The following PREP variants were observed in gnomAD, a reference collection of about 807,000 sequenced individuals.
The protein encoded by PREP is dJ355L5.1 (prolyl endopeptidase).
Under a neutral mutation model 87.6 loss-of-function variants are expected in PREP, and 29 were observed. The observed-to-expected ratio is 0.33, with a 90% CI of 0.25 to 0.45. The LOEUF (loss-of-function observed/expected upper bound fraction) is 0.45. PREP is among the 20% of genes least tolerant of loss of function. The probability of loss-of-function intolerance (pLI) is 1.00; values close to 1 mark genes in which losing one functional copy is unlikely to be tolerated. For synonymous variants in PREP, 337 were observed against 328.6 expected, an observed-to-expected ratio of 1.03 and a Z score of -0.28; for missense variants, 695 against 886.5, an observed-to-expected ratio of 0.78 and a Z score of 2.74.
At chr6:105,334,305 C>T (rs924974054) in intron 7 of PREP, among the ~76,000 whole-genome samples, 81 of 152,352 alleles carry the variant, frequency 5.3e-4, no homozygotes, top group African/African-American at 1.8e-3. Context: ...CAACACTTGC[C>T]TCACTTCCTG....
intron 6 of PREP, among the ~76,000 whole-genome samples, chr6:105,356,264 C>T (rs892070522): frequency 6.6e-6 from 1 of 152,154 alleles, no homozygotes; most frequent in Admixed American, 6.5e-5. Flanking sequence ...GTAAGGTATA[C>T]AGCCCCACTG....
At chr6:105,352,171 G>A (rs563868767) in intron 7 of PREP, among the ~76,000 whole-genome samples, 1 of 152,320 alleles carries the variant, frequency 6.6e-6, no homozygotes, top group South Asian at 2.1e-4. Flanking sequence ...TTAACTAGAA[G>A]ATAATGTAAT....
intron 5 of PREP, among the ~76,000 whole-genome samples, chr6:105,372,590 T>C (rs1314217612): frequency 6.6e-6 from 1 of 152,094 alleles, no homozygotes; most frequent in Non-Finnish European, 1.5e-5. Flanking sequence ...CTTTGTGCAA[T>C]TAAAGAGAAG....
At chr6:105,338,956 G>A (rs1255978139) in intron 7 of PREP, among the ~76,000 whole-genome samples, 2 of 152,236 alleles carry the variant, frequency 1.3e-5, no homozygotes, top group African/African-American at 2.4e-5. Context: ...CACCTCTGGG[G>A]GCAGGGCATA....
chr6:105,386,063 T>A (rs12175313), intron 2 of PREP, among the ~76,000 whole-genome samples: 1 of 152,228 alleles, frequency 6.6e-6, no homozygotes, highest in East Asian at 1.9e-4. Context: ...GAGATTGCAG[T>A]GAGCCGAGAT....
chr6:105,308,616 T>C (rs984981387), intron 10 of PREP, among the ~76,000 whole-genome samples: 4 of 151,926 alleles, frequency 2.6e-5, no homozygotes, highest in African/African-American at 4.8e-5. Context: ...AGTGGACAAA[T>C]TACCCTACCA....
chr6:105,402,741 A>G, intron 1 of PREP, 106 bp downstream of exon 1: 2 of 1,066,292 alleles, frequency 1.9e-6, no homozygotes, highest in Non-Finnish European at 1.3e-6. Flanking sequence ...GAGGGGAGGG[A>G]CGCGGGGGTC....
At chr6:105,336,188 A>G (rs1771472098) in intron 7 of PREP, among the ~76,000 whole-genome samples, 1 of 151,756 alleles carries the variant, frequency 6.6e-6, no homozygotes, top group Non-Finnish European at 1.5e-5. Context: ...TGAATCCAGG[A>G]GATGGAGGTT....
rs1769895462 is a variant in PREP, at chr6:105,274,461, A to C, written c.*3683T>G. Among the ~76,000 whole-genome samples the C allele has an allele frequency of 6.6e-6, 1 of 152,188 alleles. No individual in the cohort carries two copies. The highest frequency in any genetic ancestry group is 6.5e-5 in the Admixed American group (1 of 15,276). ...TCGGGGAGGACATAAACACTCAGAC[A>C]ACAGCAGTAAGAGAGCTGTTTCGGC... On this transcript the variant is annotated 3_prime_UTR_variant, in exon 15 of 15. Transcript: ENST00000652536.
Position 105,368,921 on chromosome 6 carries a change from T to C in PREP, c.699A>G (p.Lys233=). Residue 233 remains lysine (K), a synonymous_variant, in exon 6 of 15, where the codon AAA becomes AAG. Coordinates refer to ENST00000652536, the MANE Select transcript of PREP (RefSeq NM_002726.5). ...ACAATACCTCAGCTCCACCCATCCA[T>C]TTAGGTTCATCAGGAAACTCAGCAC... ...ILCAEFPDEP[K]WMGGAELSDD... 1 of 1,614,012 alleles carries C rather than the reference T, an allele frequency of 6.2e-7. No individual in the cohort carries two copies. The highest frequency in any genetic ancestry group is 8.5e-7 in the Non-Finnish European group (1 of 1,179,948).
chr6:105,326,504 G>A (rs1251767316), intron 9 of PREP, among the ~76,000 whole-genome samples: 1 of 152,214 alleles, frequency 6.6e-6, no homozygotes, highest in African/African-American at 2.4e-5. Flanking sequence ...ACCTGCCAGA[G>A]TTATCAAATG....
At chr6:105,300,890 A>G (rs1426278691) in intron 10 of PREP, among the ~76,000 whole-genome samples, 2 of 152,258 alleles carry the variant, frequency 1.3e-5, no homozygotes, top group African/African-American at 4.8e-5. Context: ...AATCAATGGA[A>G]CATTACTGTT....
intron 11 of PREP, among the ~76,000 whole-genome samples, chr6:105,286,579 GA>G (rs1404007132): frequency 6.6e-6 from 1 of 152,156 alleles, no homozygotes; most frequent in Non-Finnish European, 1.5e-5. Context: ...TGTGCTTTGA[GA>G]ACTATTTCTG....
At chr6:105,373,341 A>T in intron 5 of PREP, 28 bp downstream of exon 5, 2 of 1,604,106 alleles carry the variant, frequency 1.2e-6, no homozygotes, top group African/African-American at 2.7e-5. Context: ...TTTGTGAAAA[A>T]TGTGCTTCAT....
At chr6:105,382,270 A>AACACACACAC (rs146759488) in intron 2 of PREP, among the ~76,000 whole-genome samples, 5,176 of 142,972 alleles carry the variant, frequency 0.036, 105 homozygotes, top group Middle Eastern at 0.068. Flanking sequence ...AAGCGTTCTC[A>AACACACACAC]ACACACACAC....
chr6:105,358,954 G>C (rs1772173034), intron 6 of PREP, among the ~76,000 whole-genome samples: 3 of 152,188 alleles, frequency 2.0e-5, no homozygotes, highest in African/African-American at 7.2e-5. Context: ...CCTGTGCCCA[G>C]GTGGATGAGG....
At chr6:105,356,564 C>T (rs1320078011) in intron 6 of PREP, among the ~76,000 whole-genome samples, 2 of 152,206 alleles carry the variant, frequency 1.3e-5, no homozygotes, top group Admixed American at 1.3e-4. Flanking sequence ...TGGCTTCAGT[C>T]TCCCTGATTT....
At chr6:105,314,395 G>C (rs1770818895) in intron 10 of PREP, among the ~76,000 whole-genome samples, 1 of 152,176 alleles carries the variant, frequency 6.6e-6, no homozygotes, top group East Asian at 1.9e-4. Flanking sequence ...GCTCACAGTA[G>C]AATTTCTTTC....
intron 2 of PREP, among the ~76,000 whole-genome samples, chr6:105,396,868 A>G (rs1353767051): frequency 1.3e-5 from 2 of 152,142 alleles, no homozygotes; most frequent in Admixed American, 6.6e-5. Flanking sequence ...CCAACCAAGC[A>G]AACTTAATTA....
Sources: allele counts gnomAD v4.1 joint callset (sites outside exome capture counted in the v4.1 genomes callset), GRCh38; gene constraint gnomAD v4.1.1; transcripts MANE v1.5; gene names NCBI Gene and HGNC (gene_info 2026-07-23, HGNC 2026-07-21).